CSGALNACT1: variants seen among roughly 807,000 people sequenced by gnomAD.
The protein encoded by CSGALNACT1 is chondroitin sulfate N-acetylgalactosaminyltransferase 1, also known as beta4GalNAcT-1.
In CSGALNACT1, 52 loss-of-function variants were observed where a neutral mutation model predicts 51.0. The observed-to-expected ratio is 1.02, with a 90% CI of 0.82 to 1.29. CSGALNACT1 has a LOEUF of 1.29. CSGALNACT1 is among the 50% of genes most tolerant of loss of function. CSGALNACT1 has a pLI of 0.00. For synonymous variants in CSGALNACT1, 341 were observed against 254.4 expected, an observed-to-expected ratio of 1.34 and a Z score of -3.24; for missense variants, 935 against 679.2, an observed-to-expected ratio of 1.38 and a Z score of -4.19.
At chr8:19,709,731 C>G (rs143565291) in intron 1 of CSGALNACT1, among the ~76,000 whole-genome samples, 24 of 152,176 alleles carry the variant, frequency 1.6e-4, no homozygotes, top group African/African-American at 4.3e-4. Flanking sequence ...CCTGCCCCCC[C>G]GCCCAGAGTC....
At chr8:19,534,799 G>C (rs1260821007) in intron 3 of CSGALNACT1, among the ~76,000 whole-genome samples, 1 of 152,212 alleles carries the variant, frequency 6.6e-6, no homozygotes, top group Non-Finnish European at 1.5e-5. Context: ...GTCATAAGCA[G>C]TTTGTTAGAA....
chr8:19,576,481 T>C (rs375380547), intron 3 of CSGALNACT1, among the ~76,000 whole-genome samples: 2 of 151,832 alleles, frequency 1.3e-5, no homozygotes, highest in East Asian at 2.0e-4. Context: ...GCTTGAGCCA[T>C]TGCACCCGGC....
chr8:19,510,046 G>GT (rs760143882), intron 3 of CSGALNACT1, among the ~76,000 whole-genome samples: 1 of 152,068 alleles, frequency 6.6e-6, no homozygotes, highest in Non-Finnish European at 1.5e-5. Flanking sequence ...CATAATTCCC[G>GT]TTTTTTGTTT....
In CSGALNACT1 at chr8:19,564,668, C is replaced by T. The variant is rs535101679; in HGVS notation, c.-297+26492G>A. The stretch of plus-strand genomic sequence containing the variant: ...TCCTTTGTGTCCAATCAGAATTCAT[C>T]TTAAAATCACCTCCTTCAAGAGGCC... On this transcript the variant is annotated intron_variant, in intron 3 of 9. Coordinates refer to ENST00000454498, the Ensembl canonical transcript of CSGALNACT1. Among the ~76,000 whole-genome samples, 12 of 152,318 alleles carry T rather than the reference C, an allele frequency of 7.9e-5. No individual in the cohort carries two copies. The South Asian group carries it at 2.5e-3, about 32-fold the overall frequency.
chr8:19,440,724 T>G (rs554349641), intron 5 of CSGALNACT1, among the ~76,000 whole-genome samples: 80 of 151,702 alleles, frequency 5.3e-4, no homozygotes, highest in African/African-American at 1.8e-3. Context: ...CCAGGGCAAT[T>G]AGGCAGGAGA....
At chr8:19,515,692 G>T (rs1213402875) in intron 3 of CSGALNACT1, among the ~76,000 whole-genome samples, 3 of 152,094 alleles carry the variant, frequency 2.0e-5, no homozygotes, top group Admixed American at 1.3e-4. Context: ...AGCACCAAAA[G>T]GTCAAGAAAC....
intron 1 of CSGALNACT1, among the ~76,000 whole-genome samples, chr8:19,709,139 G>A (rs549566684): frequency 1.3e-5 from 2 of 152,288 alleles, no homozygotes; most frequent in South Asian, 2.1e-4. Context: ...ATTCAAGAAC[G>A]AGCTGCCAGC....
At chr8:19,505,101 C>T (rs1418700477) in intron 4 of CSGALNACT1, 100 bp downstream of exon 3, 11 of 1,360,056 alleles carry the variant, frequency 8.1e-6, no homozygotes, top group East Asian at 4.6e-5. Context: ...CCAGCCATCC[C>T]AGAGCCAGCT....
At chr8:19,622,667 C>A (rs1011599709) in intron 1 of CSGALNACT1, among the ~76,000 whole-genome samples, 1 of 151,906 alleles carries the variant, frequency 6.6e-6, no homozygotes, top group South Asian at 2.1e-4. Flanking sequence ...TTTAAATTAG[C>A]CTTTAGTAAG....
rs375198200 is a variant in CSGALNACT1, at chr8:19,584,999, G to A, written c.-297+6161C>T. The stretch of plus-strand genomic sequence containing the variant: ...ATTCTAGTCCTATCACTGTCTAGCT[G>A]TGTAACCCTGGACAAGTTATCTTAT... On this transcript the variant is annotated intron_variant, in intron 3 of 9. Transcript: ENST00000454498. Among the ~76,000 whole-genome samples the A allele has an allele frequency of 1.3e-5, 2 of 152,302 alleles. 1 individual carries two copies. The highest frequency in any genetic ancestry group is 1.3e-4 in the Admixed American group (2 of 15,298).
intron 4 of CSGALNACT1, among the ~76,000 whole-genome samples, chr8:19,487,412 G>A (rs2073221934): frequency 6.6e-6 from 1 of 152,182 alleles, no homozygotes; most frequent in South Asian, 2.1e-4. Context: ...TCCATGACAG[G>A]GAGGTTCCAG....
chr8:19,618,810 C>T (rs1477777897), intron 1 of CSGALNACT1, among the ~76,000 whole-genome samples: 1 of 152,136 alleles, frequency 6.6e-6, no homozygotes, highest in African/African-American at 2.4e-5. Context: ...AGCTGCATCT[C>T]TAAGTGCCTT....
chr8:19,599,482 A>AAGAC (rs59926817), intron 2 of CSGALNACT1, among the ~76,000 whole-genome samples: 4 of 78,924 alleles, frequency 5.1e-5, no homozygotes, highest in Non-Finnish European at 1.1e-4. Flanking sequence ...AAAAGAAAGA[A>AAGAC]AGAAAGAAAG....
intron 5 of CSGALNACT1, among the ~76,000 whole-genome samples, chr8:19,447,343 C>A (rs2062312477): frequency 6.6e-6 from 1 of 152,146 alleles, no homozygotes; most frequent in South Asian, 2.1e-4. Flanking sequence ...CAAGAAAACT[C>A]CAAACGTAAA....
At chr8:19,695,759 T>C (rs1017493043) in intron 1 of CSGALNACT1, among the ~76,000 whole-genome samples, 1 of 152,216 alleles carries the variant, frequency 6.6e-6, no homozygotes, top group Non-Finnish European at 1.5e-5. Flanking sequence ...ATCATGCACA[T>C]GTTGTTTAAG....
chr8:19,601,139 C>A (rs1221694122), intron 2 of CSGALNACT1, among the ~76,000 whole-genome samples: 1 of 152,084 alleles, frequency 6.6e-6, no homozygotes, highest in African/African-American at 2.4e-5. Context: ...CATAGAAACT[C>A]AAAATTACTG....
In CSGALNACT1 at chr8:19,471,292, A is replaced by T. The variant is rs142245647; in HGVS notation, c.635-12650T>A. Among the ~76,000 whole-genome samples the T allele has an allele frequency of 2.3e-3, 344 of 152,244 alleles. 2 individuals carry two copies. The highest frequency in any genetic ancestry group is 0.017 in the Admixed American group (256 of 15,284). ...CTGCGCATGCGGAAAGCCTACCCTA[A>T]GGGGTGAATCATGGGGAAGAGGCGA... On this transcript the variant is annotated intron_variant, in intron 4 of 9. Coordinates refer to ENST00000454498, the Ensembl canonical transcript of CSGALNACT1.
intron 1 of CSGALNACT1, among the ~76,000 whole-genome samples, chr8:19,719,305 T>C (rs993301926): frequency 2.0e-5 from 3 of 152,162 alleles, no homozygotes; most frequent in Admixed American, 6.6e-5. Context: ...TAGAATTCTT[T>C]CCCATGCCTG....
chr8:19,444,568 G>A (rs1343794228), intron 5 of CSGALNACT1, among the ~76,000 whole-genome samples: 4 of 152,108 alleles, frequency 2.6e-5, no homozygotes, highest in Non-Finnish European at 5.9e-5. Flanking sequence ...CTCAGTGTTG[G>A]CTACTTACCC....
Sources: gnomAD v4.1 joint callset for allele counts (sites outside exome capture counted in the v4.1 genomes callset) on GRCh38, gnomAD v4.1.1 for gene constraint, MANE v1.5 for transcripts, NCBI Gene and HGNC (gene_info 2026-07-23, HGNC 2026-07-21) for gene names.